The following MUC17 variants were observed in gnomAD, a reference collection of about 807,000 sequenced individuals.
MUC17 encodes the protein mucin 17, cell surface associated.
In MUC17, 190 loss-of-function variants were observed where a neutral mutation model predicts 170.3. That is an observed-to-expected ratio of 1.12 (90% CI 0.99 to 1.26). MUC17 has a LOEUF of 1.26. Ranked by LOEUF, MUC17 falls within the 50% of genes most tolerant of loss-of-function variation. The pLI is 0.00. For missense variants in MUC17, 6,415 were observed against 5,530.0 expected, an observed-to-expected ratio of 1.16 and a Z score of -5.08; for synonymous variants, 2,325 against 2,002.5, an observed-to-expected ratio of 1.16 and a Z score of -4.30.
Position 101,031,936 on chromosome 7 carries a change from G to A in MUC17, c.520G>A (p.Ala174Thr), listed in dbSNP as rs1185342833. The change falls in exon 3 of 13, where the codon GCC becomes ACC. Residue 174 changes from alanine to threonine, a missense_variant. Ala to Thr is a moderately conservative substitution (Grantham distance 58). Coordinates refer to ENST00000306151, the MANE Select transcript of MUC17 (RefSeq NM_001040105.2). ...VSTAPLPSFEAYTSLTYKVDM... is the reference protein window; with the variant it reads ...VSTAPLPSFETYTSLTYKVDM... ...CACTGCACCTCTTCCCAGTTTTGAGGCCTACACATCTTTAACATATAAGGT... is the reference window on the plus strand; with the variant it reads ...CACTGCACCTCTTCCCAGTTTTGAGACCTACACATCTTTAACATATAAGGT... 1.9e-6 allele frequency: 3 copies of A among 1,613,862 alleles called. No individual in the cohort carries two copies. Among genetic ancestry groups the A allele is most frequent in the Admixed American group, 3.3e-5 (2 of 59,996 alleles).
chr7:101,023,951 AT>A (rs1452512229), intron 1 of MUC17, among the ~76,000 whole-genome samples: 1 of 151,506 alleles, frequency 6.6e-6, no homozygotes, highest in African/African-American at 2.4e-5. Flanking sequence ...TCTATATCTC[AT>A]TGTGGTTTCA....
chr7:101,032,347 G>A lies in MUC17; in HGVS notation c.931G>A (p.Glu311Lys). The A allele has an allele frequency of 6.2e-7, 1 of 1,611,974 alleles. No individual in the cohort carries two copies. The highest frequency in any genetic ancestry group is 1.1e-5 in the South Asian group (1 of 90,978). The change falls in exon 3 of 13, where the codon GAA becomes AAA. Residue 311 changes from glutamate to lysine, a missense_variant. Glu to Lys is a moderately conservative substitution (Grantham distance 56). Transcript: ENST00000306151. ...ATNIPVITST[E>K]ASSSPTTAEG... is the part of the protein sequence containing the mutation. ...CAACATTCCTGTGATCACTTCTACT[G>A]AAGCCAGTTCATCTCCTACAACGGC...
intron 11 of MUC17, among the ~76,000 whole-genome samples, chr7:101,053,821 A>G (rs1191550677): frequency 1.3e-5 from 2 of 151,188 alleles, no homozygotes; most frequent in African/African-American, 4.9e-5. Flanking sequence ...CAGAGGTTGC[A>G]GTTAGCCGAG....
rs1794412806 is a variant in MUC17 at position 101,034,848 on chromosome 7, T to A, written c.3432T>A (p.Thr1144=). Residue 1144 remains threonine, a synonymous_variant, in exon 3 of 13, where the codon ACT becomes ACA. Coordinates refer to ENST00000306151, the MANE Select transcript of MUC17 (RefSeq NM_001040105.2). ...CTGAAGCCAGTTCATCTCCTACAAC[T>A]GCTGAAGGTACCAGCATACCAACCT... ...TSTEASSSPT[T]AEGTSIPTSP... 2 of 1,612,350 alleles carry A rather than the reference T, an allele frequency of 1.2e-6. No homozygotes were observed. The highest frequency in any genetic ancestry group is 1.3e-5 in the African/African-American group (1 of 74,620).
At chr7:101,051,717 G>T in intron 8 of MUC17, 36 bp downstream of exon 8, 2 of 1,608,032 alleles carry the variant, frequency 1.2e-6, no homozygotes, top group Non-Finnish European at 1.7e-6. Flanking sequence ...GGGAAGGCTG[G>T]AGAGGTGGGG....
At position 101,031,199 on chromosome 7, in the gene MUC17, G is replaced by T. The variant is rs1288294237; in HGVS notation, c.162G>T (p.Gln54His). The change falls in exon 2 of 13, where the codon CAG becomes CAT. Residue 54 changes from glutamine (Q) to histidine (H), a missense_variant. Physicochemically the swap from Gln to His is conservative, Grantham distance 24 (BLOSUM62 0). Coordinates refer to ENST00000306151, the MANE Select transcript of MUC17 (RefSeq NM_001040105.2). ...ACGTCTTGAACCGTCAGTGCCAGCA[G>T]CTGTCTCAGCACGTTAGGACAGGTA... ...QGDVLNRQCQ[Q>H]LSQHVRTGSA... 1.2e-6 allele frequency: 2 copies of T among 1,613,670 alleles called. No individual in the cohort carries two copies. Among genetic ancestry groups the T allele is most frequent in the Admixed American group, 3.3e-5 (2 of 59,958 alleles).
At position 101,041,729 on chromosome 7, in the gene MUC17, C is replaced by T. The variant is rs1794711034; in HGVS notation, c.10313C>T (p.Ser3438Leu). The T allele has an allele frequency of 6.2e-7, 1 of 1,613,700 alleles. No individual in the cohort carries two copies. The highest frequency in any genetic ancestry group is 8.5e-7 in the Non-Finnish European group (1 of 1,179,942). ...GTGACCACTTCTACTGAAGCCAGTT[C>T]ATCTCCTACAATCGCTGAAGGTACC... Reference protein sequence around the residue: ...TLVTTSTEASSSPTIAEGTSL... With the variant: ...TLVTTSTEASLSPTIAEGTSL... The change falls in exon 3 of 13, where the codon TCA becomes TTA. Residue 3438 changes from serine to leucine, a missense_variant. Physicochemically the swap from Ser to Leu is moderately radical, Grantham distance 145. Transcript: ENST00000306151.
At chr7:101,056,105 T>G in intron 11 of MUC17, 89 bp from the exon 12 acceptor site, 1 of 1,577,904 alleles carries the variant, frequency 6.3e-7, no homozygotes, top group African/African-American at 1.3e-5. Context: ...AAAAACTGTC[T>G]CATCCTCCAT....
intron 1 of MUC17, 148 bp downstream of exon 1, chr7:101,020,365 G>C (rs1398175126): frequency 3.8e-6 from 2 of 526,600 alleles, no homozygotes; most frequent in Non-Finnish European, 6.3e-6. Flanking sequence ...CCTACCCCCT[G>C]GACTTCTCTT....
chr7:101,045,123 A>G (rs1794815311), intron 3 of MUC17, among the ~76,000 whole-genome samples: 1 of 152,318 alleles, frequency 6.6e-6, no homozygotes, highest in East Asian at 1.9e-4. Flanking sequence ...ATACTAATAG[A>G]CCTGTGAGTA....
In MUC17 at chr7:101,040,694, C is replaced by A. The variant is rs1180280485; in HGVS notation, c.9278C>A (p.Thr3093Asn). The change falls in exon 3 of 13, where the codon ACC (threonine) becomes AAC (asparagine). Residue 3093 changes from threonine (T) to asparagine (N), a missense_variant. Thr to Asn is a moderately conservative substitution (Grantham distance 65, BLOSUM62 0). Coordinates refer to ENST00000306151, the MANE Select transcript of MUC17 (RefSeq NM_001040105.2). ...VSSSPTPAEG[T>N]SMPISTYSEG... ...TCATCTCCTACACCTGCTGAAGGTA[C>A]CAGCATGCCAATCTCAACTTATAGT... The A allele has an allele frequency of 1.2e-6, 2 of 1,613,180 alleles. No individual in the cohort carries two copies. The highest frequency in any genetic ancestry group is 2.2e-5 in the East Asian group (1 of 44,810).
Position 101,027,775 on chromosome 7 carries a change from A to T in MUC17, c.83-3345A>T, listed in dbSNP as rs80183277. On this transcript the variant is annotated intron_variant, in intron 1 of 12. Transcript: ENST00000306151. ...ACTTACTGATAATCTTTAAAAAAAA[A>T]TTTCTTTTTTTTTTGAGAGAGGATT... Among the ~76,000 whole-genome samples, 9 of 151,500 alleles carry T rather than the reference A, an allele frequency of 5.9e-5. No homozygotes were observed. The South Asian group carries it at 1.0e-3, about 18-fold the overall frequency.
At chr7:101,024,321 A>C (rs909603112) in intron 1 of MUC17, among the ~76,000 whole-genome samples, 2 of 151,924 alleles carry the variant, frequency 1.3e-5, no homozygotes, top group Non-Finnish European at 2.9e-5. Context: ...AATCACTTGA[A>C]TCTGGGAGGC....
chr7:101,034,704 T>G lies in MUC17; in HGVS notation c.3288T>G (p.Tyr1096Ter). 6.2e-7 allele frequency: 1 copy of G among 1,606,606 alleles called. No homozygotes were observed. Among genetic ancestry groups the G allele is most frequent in the Non-Finnish European group, 8.5e-7 (1 of 1,175,636 alleles). The change falls in exon 3 of 13, where the codon TAT (tyrosine) becomes TAG (stop). Residue 1096 changes from tyrosine to a stop codon, truncating the protein, a stop_gained. Coordinates refer to ENST00000306151, the MANE Select transcript of MUC17 (RefSeq NM_001040105.2). LOFTEE classifies it high-confidence loss of function. The part of the protein sequence containing the change: ...ADGTSMPTST[Y>*]SEGSTPLTSV... ...GTACCAGCATGCCAACCTCAACTTA[T>G]AGTGAAGGAAGCACTCCACTAACAA...
rs1302638764 is a variant in MUC17, at chr7:101,034,318, G to C, written c.2902G>C (p.Ala968Pro). 4.3e-6 allele frequency: 7 copies of C among 1,609,198 alleles called. No homozygotes were observed. Among genetic ancestry groups the C allele is most frequent in the Non-Finnish European group, 5.9e-6 (7 of 1,178,276 alleles). ...TGAAGCCACTTCATCTCCTACAACT[G>C]CTGAAGGTACCAGCATACCAACCTC... ...STEATSSPTT[A>P]EGTSIPTSTP... Residue 968 changes from alanine to proline, a missense_variant, in exon 3 of 13, where the codon GCT becomes CCT. Ala to Pro is a conservative substitution (Grantham distance 27). Coordinates refer to ENST00000306151, the MANE Select transcript of MUC17 (RefSeq NM_001040105.2).
chr7:101,032,364 T>C lies in MUC17; in HGVS notation c.948T>C (p.Pro316=), dbSNP rs774226134. The C allele has an allele frequency of 6.2e-7, 1 of 1,613,186 alleles. No homozygotes were observed. The highest frequency in any genetic ancestry group is 8.5e-7 in the Non-Finnish European group (1 of 1,179,836). The change falls in exon 3 of 13, where the codon CCT becomes CCC. Residue 316 remains proline, a synonymous_variant. Transcript: ENST00000306151. ...CTTCTACTGAAGCCAGTTCATCTCC[T>C]ACAACGGCTGAAGGCACCAGCATAC... is the stretch of plus-strand genomic sequence containing the variant. ...VITSTEASSS[P]TTAEGTSIPT...
rs771286219 is a variant in MUC17, at chr7:101,038,024, C to T, written c.6608C>T (p.Thr2203Ile). 6.2e-7 allele frequency: 1 copy of T among 1,608,174 alleles called. No individual in the cohort carries two copies. The highest frequency in any genetic ancestry group is 2.2e-5 in the East Asian group (1 of 44,542). The change falls in exon 3 of 13, where the codon ACA becomes ATA. Residue 2203 changes from threonine to isoleucine, a missense_variant. By Grantham distance (89) the Thr-to-Ile change is moderately conservative. Coordinates refer to ENST00000306151, the MANE Select transcript of MUC17 (RefSeq NM_001040105.2). ...TCTACTGAAGCCCGTTCATCTCCTA[C>T]AACTTCTGAAGGTACCAGCATGCCA... Reference protein sequence around the residue: ...TNSTEARSSPTTSEGTSMPTS... With the variant: ...TNSTEARSSPITSEGTSMPTS...
intron 1 of MUC17, among the ~76,000 whole-genome samples, chr7:101,020,752 C>T (rs1342189663): frequency 6.6e-6 from 1 of 152,090 alleles, no homozygotes; most frequent in Non-Finnish European, 1.5e-5. Flanking sequence ...AGCTGTGCAC[C>T]CTGGGGCCGC....
chr7:101,042,525 C>T lies in MUC17; in HGVS notation c.11109C>T (p.Thr3703=), dbSNP rs893441698. Residue 3703 remains threonine (T), a synonymous_variant, in exon 3 of 13, where the codon ACC becomes ACT. Transcript: ENST00000306151. The stretch of plus-strand genomic sequence containing the variant: ...CATTAACAACTATGCCTGTCAGCAC[C>T]ACACGTGTGACCAGCTCTGAGGGTA... ...STPLTTMPVS[T]TRVTSSEGST... The T allele has an allele frequency of 1.1e-5, 18 of 1,614,082 alleles. No individual in the cohort carries two copies. Among genetic ancestry groups the T allele is most frequent in the Non-Finnish European group, 1.4e-5 (17 of 1,180,008 alleles).
Sources: allele counts gnomAD v4.1 joint callset (sites outside exome capture counted in the v4.1 genomes callset), GRCh38; gene constraint gnomAD v4.1.1; transcripts MANE v1.5; gene names NCBI Gene and HGNC (gene_info 2026-07-23, HGNC 2026-07-21).